FGFR2: variants seen among roughly 807,000 people sequenced by gnomAD.
The protein encoded by FGFR2 is fibroblast growth factor receptor 2.
FGFR2 carries 19 observed loss-of-function variants against 95.9 expected under a neutral mutation model. That is an observed-to-expected ratio of 0.20 (90% CI 0.14 to 0.29). The LOEUF (loss-of-function observed/expected upper bound fraction) is 0.29. Ranked by LOEUF, FGFR2 falls within the 10% of genes least tolerant of loss-of-function variation. The probability of loss-of-function intolerance (pLI) is 1.00; values close to 1 mark genes in which losing one functional copy is unlikely to be tolerated. For synonymous variants in FGFR2, 392 were observed against 393.3 expected, an observed-to-expected ratio of 1.00 and a Z score of 0.04; for missense variants, 707 against 1,056.9, an observed-to-expected ratio of 0.67 and a Z score of 4.59.
rs1055796622 is a variant in FGFR2 at position 121,478,615 on chromosome 10, G to C, written c.*1242C>G. Reference sequence around the variant, plus strand: ...TTTTGGTGAGGTCCTGCCAGAATTAGATGAAAGCAATCCCTTAAAAAGATG... The same window carrying C: ...TTTTGGTGAGGTCCTGCCAGAATTACATGAAAGCAATCCCTTAAAAAGATG... On this transcript the variant is annotated 3_prime_UTR_variant, in exon 18 of 18. Coordinates refer to ENST00000358487, the MANE Select transcript of FGFR2 (RefSeq NM_000141.5). 8.6e-6 allele frequency: 2 copies of C among 233,178 alleles called. No homozygotes were observed. Among genetic ancestry groups the C allele is most frequent in the African/African-American group, 4.4e-5 (2 of 45,344 alleles). The allele number at this position is 233,178 out of a possible 1,614,324, so 14.4% of individuals were successfully genotyped here.
At chr10:121,588,565 T>C (rs183802698) in intron 2 of FGFR2, among the ~76,000 whole-genome samples, 95 of 152,092 alleles carry the variant, frequency 6.2e-4, no homozygotes, top group African/African-American at 2.2e-3. Flanking sequence ...TCTCTAAATC[T>C]CATGGGATAC....
At chr10:121,564,610 T>C (rs377158146) in intron 3 of FGFR2, 31 bp from the exon 4 acceptor site, 2 of 1,604,618 alleles carry the variant, frequency 1.2e-6, no homozygotes, top group Non-Finnish European at 8.5e-7. Flanking sequence ...TCCATGGATG[T>C]GTTTTTTGCA....
Position 121,520,261 on chromosome 10 carries a change from C to T in FGFR2, c.749-92G>A, listed in dbSNP as rs1187981109. 4 of 1,350,054 alleles carry T rather than the reference C, an allele frequency of 3.0e-6. No individual in the cohort carries two copies. In the East Asian group the frequency reaches 1.0e-4, roughly 34 times the overall value. 83.6% of individuals were successfully genotyped at this position (1,350,054 alleles called of 1,614,324 possible). On this transcript the variant is annotated intron_variant, in intron 6 of 17. Coordinates refer to ENST00000358487, the MANE Select transcript of FGFR2 (RefSeq NM_000141.5). The stretch of plus-strand genomic sequence containing the variant: ...TTGTCCAGAGGGCTGTCAGTGACCT[C>T]ATGCCAGAAAAGCCTCAAGCCTGCT...
rs2133793124 is a variant in FGFR2 at position 121,485,389 on chromosome 10, C to A, written c.2195+6G>T. 1 of 1,614,026 alleles carries A rather than the reference C, an allele frequency of 6.2e-7. No individual in the cohort carries two copies. Among genetic ancestry groups the A allele is most frequent in the Non-Finnish European group, 8.5e-7 (1 of 1,179,982 alleles). The stretch of plus-strand genomic sequence containing the variant: ...GGGCACCGGCAGGAAAGACAACAGC[C>A]CTTACAGTTCGTTGGTGCAGTTGGC... On this transcript the variant is annotated splice_donor_region_variant and intron_variant, in intron 16 of 17. Transcript: ENST00000358487. The surrounding 1 kb of genome is among the most constrained non-coding windows in gnomAD (Gnocchi z 4.2).
At position 121,564,576 on chromosome 10, in the gene FGFR2, G is replaced by C. The variant is rs1857408490; in HGVS notation, c.380C>G (p.Ala127Gly). Residue 127 changes from alanine (A) to glycine (G), a missense_variant, in exon 4 of 18, where the codon GCC (alanine) becomes GGC (glycine). Ala to Gly is a moderately conservative substitution (Grantham distance 60). Coordinates refer to ENST00000358487, the MANE Select transcript of FGFR2 (RefSeq NM_000141.5). ...ATCCTCATCATCTCCGGATGAGATG[G>C]CATCTGTATGCAAAAGAACATATTC... ...TWYFMVNVTD[A>G]ISSGDDEDDT... 6.2e-7 allele frequency: 1 copy of C among 1,613,658 alleles called. No individual in the cohort carries two copies. The highest frequency in any genetic ancestry group is 8.5e-7 in the Non-Finnish European group (1 of 1,179,754).
rs192117412 is a variant in FGFR2 at position 121,572,365 on chromosome 10, A to G, written c.110-6661T>C. On this transcript the variant is annotated intron_variant, in intron 2 of 17. Transcript: ENST00000358487. Reference sequence around the variant, plus strand: ...CCCAGGCACAGTGGCTCATGCCTGTAATTTCAGCACTTTGGGAGACCAAAG... The same window carrying G: ...CCCAGGCACAGTGGCTCATGCCTGTGATTTCAGCACTTTGGGAGACCAAAG... Among the ~76,000 whole-genome samples the G allele has an allele frequency of 2.0e-5, 3 of 152,202 alleles. No individual in the cohort carries two copies. In the East Asian group the frequency reaches 5.8e-4, roughly 29 times the overall value.
intron 11 of FGFR2, 66 bp downstream of exon 11, chr10:121,500,759 CA>C: frequency 6.2e-7 from 1 of 1,603,682 alleles, no homozygotes. Context: ...TCACATGCCA[CA>C]AAAGGAACTT....
rs560368431 is a variant in FGFR2, at chr10:121,485,070, G to A, written c.2195+325C>T. The stretch of plus-strand genomic sequence containing the variant: ...CCCGTGGGTCTTCCTGTCACTCCAC[G>A]GGAGACCGCAGAAGGTGCAGCACAG... On this transcript the variant is annotated intron_variant, in intron 16 of 17. Coordinates refer to ENST00000358487, the MANE Select transcript of FGFR2 (RefSeq NM_000141.5). This position sits in a 1 kb window ranked among gnomAD's most constrained non-coding sequence, Gnocchi z 4.2. 1.7e-4 allele frequency among the ~76,000 whole-genome samples: 26 copies of A among 152,228 alleles called. 1 individual carries two copies. Among genetic ancestry groups the A allele is most frequent in the African/African-American group, 5.5e-4 (23 of 41,556 alleles).
At chr10:121,545,672 TC>T (rs1015708849) in intron 5 of FGFR2, among the ~76,000 whole-genome samples, 2 of 152,200 alleles carry the variant, frequency 1.3e-5, no homozygotes, top group African/African-American at 4.8e-5. Flanking sequence ...TCATGATTTC[TC>T]CCCCTAAACA....
At chr10:121,542,563 TTCA>T (rs1457133011) in intron 5 of FGFR2, among the ~76,000 whole-genome samples, 1 of 152,206 alleles carries the variant, frequency 6.6e-6, no homozygotes, top group Non-Finnish European at 1.5e-5. Context: ...CTTTGTGGAA[TTCA>T]TCATTATTTT....
In FGFR2 at chr10:121,591,453, AT is replaced by A. The variant is rs1862636635; in HGVS notation, c.109+2255del. ...CCAGCCCCTGTGCTAATTGCTCTTT[AT>A]GTCCAGGTCAAATGGAAATCTCCTA... On this transcript the variant is annotated intron_variant, in intron 2 of 17. Transcript: ENST00000358487. Among the ~76,000 whole-genome samples the A allele has an allele frequency of 2.6e-5, 4 of 152,326 alleles. No homozygotes were observed. The South Asian group carries it at 8.3e-4, about 32-fold the overall frequency.
chr10:121,581,157 C>T (rs1590078249), intron 2 of FGFR2, among the ~76,000 whole-genome samples: 1 of 152,220 alleles, frequency 6.6e-6, no homozygotes, highest in African/African-American at 2.4e-5. Flanking sequence ...GCCGGGATGC[C>T]CTTGACCGGC....
intron 4 of FGFR2, among the ~76,000 whole-genome samples, chr10:121,556,396 ACT>A (rs35668561): frequency 0.59 from 75,448 of 127,924 alleles, 23,152 homozygotes; most frequent in Non-Finnish European, 0.7. Flanking sequence ...TTTATAATCT[ACT>A]CTCTCTCTCT....
intron 2 of FGFR2, among the ~76,000 whole-genome samples, chr10:121,569,805 C>T (rs922840599): frequency 2.6e-5 from 4 of 152,204 alleles, no homozygotes; most frequent in Non-Finnish European, 5.9e-5. Flanking sequence ...CTCCTCCCTC[C>T]ACCCCTTCAG....
intron 4 of FGFR2, among the ~76,000 whole-genome samples, chr10:121,558,140 A>C (rs1856435143): frequency 6.6e-6 from 1 of 152,218 alleles, no homozygotes; most frequent in African/African-American, 2.4e-5. Flanking sequence ...AACAAGCTGG[A>C]AACAATAAAA....
In FGFR2 at chr10:121,560,532, G is replaced by A. The variant is rs867616528; in HGVS notation, c.454+3970C>T. Among the ~76,000 whole-genome samples the A allele has an allele frequency of 3.8e-4, 55 of 146,192 alleles. 1 individual carries two copies. The Middle Eastern group carries it at 0.014, about 38-fold the overall frequency. ...CGGGAGGCTGAGGCAGGAGAATGGCGTGAACCCGGGAGGCGGAGCTTGCAG... is the reference window on the plus strand; with the variant it reads ...CGGGAGGCTGAGGCAGGAGAATGGCATGAACCCGGGAGGCGGAGCTTGCAG... On this transcript the variant is annotated intron_variant, in intron 4 of 17. Transcript: ENST00000358487.
chr10:121,551,555 A>C, intron 4 of FGFR2, 96 bp from the exon 5 acceptor site: 3 of 1,098,184 alleles, frequency 2.7e-6, no homozygotes, highest in Non-Finnish European at 4.0e-6. Context: ...TTTGCATGTA[A>C]ATGCTAGGCT....
chr10:121,539,511 CT>C (rs1853376169), intron 5 of FGFR2, among the ~76,000 whole-genome samples: 1 of 152,216 alleles, frequency 6.6e-6, no homozygotes, highest in South Asian at 2.1e-4. Context: ...TCTCCCCCTG[CT>C]TTTCAAATAT....
At chr10:121,499,781 C>G (rs1847351862) in intron 11 of FGFR2, among the ~76,000 whole-genome samples, 1 of 152,274 alleles carries the variant, frequency 6.6e-6, no homozygotes, top group East Asian at 1.9e-4. Flanking sequence ...GCACAGTGTT[C>G]CTCCCCGGCA....
Sources: allele counts gnomAD v4.1 joint callset (sites outside exome capture counted in the v4.1 genomes callset), GRCh38; gene constraint gnomAD v4.1.1; non-coding constraint Gnocchi (gnomAD v3.1); transcripts MANE v1.5; gene names NCBI Gene and HGNC (gene_info 2026-07-23, HGNC 2026-07-21).